ATP8A2: variants seen among roughly 807,000 people sequenced by gnomAD.
ATP8A2 encodes phospholipid-transporting ATPase IB.
Under a neutral mutation model 165.6 loss-of-function variants are expected in ATP8A2, and 100 were observed. That is an observed-to-expected ratio of 0.60 (90% confidence interval 0.51 to 0.71). The LOEUF is 0.71. Among genes scored for constraint, ATP8A2 ranks in the 30% least tolerant of loss-of-function variants. The pLI is 0.00. For missense variants in ATP8A2, 1,227 were observed against 1,479.5 expected, an observed-to-expected ratio of 0.83 and a Z score of 2.80; for synonymous variants, 543 against 548.8, an observed-to-expected ratio of 0.99 and a Z score of 0.15.
chr13:25,990,350 C>A (rs1391523797), intron 35 of ATP8A2, among the ~76,000 whole-genome samples: 1 of 150,520 alleles, frequency 6.6e-6, no homozygotes. Context: ...CAAACTATGT[C>A]GTGAAAAGTG....
chr13:25,792,552 A>G (rs1396932203), intron 27 of ATP8A2, among the ~76,000 whole-genome samples: 1 of 152,188 alleles, frequency 6.6e-6, no homozygotes, highest in African/African-American at 2.4e-5. Context: ...TTTGAAACTA[A>G]TGAAATGAAC....
At chr13:25,866,977 A>G (rs765906807) in intron 33 of ATP8A2, among the ~76,000 whole-genome samples, 7 of 152,284 alleles carry the variant, frequency 4.6e-5, no homozygotes, top group Middle Eastern at 6.8e-3. Flanking sequence ...ATCGTTAACC[A>G]TGGAAAAATT....
chr13:25,403,691 G>A (rs1303516995), intron 1 of ATP8A2, among the ~76,000 whole-genome samples: 9 of 152,106 alleles, frequency 5.9e-5, no homozygotes, highest in Admixed American at 5.9e-4. Context: ...GGAACATATG[G>A]TCTTGAAATA....
At position 25,445,970 on chromosome 13, in the gene ATP8A2, T is replaced by A. The variant is rs564590271; in HGVS notation, c.77-23007T>A. The stretch of plus-strand genomic sequence containing the variant: ...GGTCAACTAATCAGATTCCTATCTA[T>A]GAAATGAAGTTTATGTGTACACCAT... On this transcript the variant is annotated intron_variant, in intron 1 of 36. Coordinates refer to ENST00000381655, the MANE Select transcript of ATP8A2 (RefSeq NM_016529.6). Among the ~76,000 whole-genome samples, 3 of 152,286 alleles carry A rather than the reference T, an allele frequency of 2.0e-5. No individual in the cohort carries two copies. The East Asian group carries it at 5.8e-4, about 29-fold the overall frequency.
chr13:26,005,065 C>A (rs531871589), intron 35 of ATP8A2, among the ~76,000 whole-genome samples: 369 of 151,964 alleles, frequency 2.4e-3, no homozygotes, highest in Non-Finnish European at 3.8e-3. Context: ...GGTATTAGTT[C>A]TTTAAGTGTT....
At position 25,968,692 on chromosome 13, in the gene ATP8A2, G is replaced by A. The variant is rs199717243; in HGVS notation, c.3377+13G>A. On this transcript the variant is annotated intron_variant, in intron 35 of 36. Transcript: ENST00000381655. ...GCAATGGAAAGAGGTGGGGAACTCC[G>A]TCCCAGTCCGCACAGAACACAGGTG... 1.5e-4 allele frequency: 238 copies of A among 1,599,710 alleles called. No homozygotes were observed. Among genetic ancestry groups the A allele is most frequent in the Middle Eastern group, 5.0e-4 (3 of 6,038 alleles).
At chr13:25,827,169 G>T (rs184936320) in intron 27 of ATP8A2, among the ~76,000 whole-genome samples, 2 of 152,044 alleles carry the variant, frequency 1.3e-5, no homozygotes, top group African/African-American at 4.8e-5. Context: ...GAGTGCAGTG[G>T]CACTATCTTG....
At chr13:25,806,861 A>G (rs1205006514) in intron 27 of ATP8A2, among the ~76,000 whole-genome samples, 3 of 152,120 alleles carry the variant, frequency 2.0e-5, no homozygotes, top group Non-Finnish European at 2.9e-5. Context: ...TTTTTTTACT[A>G]TAACCATTCT....
chr13:25,742,128 C>T (rs2138150778), intron 25 of ATP8A2, among the ~76,000 whole-genome samples: 1 of 152,238 alleles, frequency 6.6e-6, no homozygotes, highest in Non-Finnish European at 1.5e-5. Flanking sequence ...TACGGAATAG[C>T]CTGTTGCTCC....
chr13:26,000,349 T>C (rs1171478925), intron 35 of ATP8A2, among the ~76,000 whole-genome samples: 1 of 152,206 alleles, frequency 6.6e-6, no homozygotes, highest in Non-Finnish European at 1.5e-5. Context: ...TTTGGAGTTA[T>C]TTGCTGTGTA....
At chr13:25,706,524 G>T (rs1351887799) in intron 25 of ATP8A2, among the ~76,000 whole-genome samples, 1 of 152,160 alleles carries the variant, frequency 6.6e-6, no homozygotes, top group Admixed American at 6.5e-5. Context: ...TTTGTGTGTG[G>T]TATCCTTCAG....
At chr13:25,908,639 G>T (rs1954017325) in intron 33 of ATP8A2, among the ~76,000 whole-genome samples, 1 of 152,242 alleles carries the variant, frequency 6.6e-6, no homozygotes, top group Non-Finnish European at 1.5e-5. Flanking sequence ...GCTTCACTTG[G>T]TTCAAGCCTC....
intron 2 of ATP8A2, among the ~76,000 whole-genome samples, chr13:25,480,275 G>C (rs2036133840): frequency 6.6e-6 from 1 of 150,554 alleles, no homozygotes; most frequent in African/African-American, 2.4e-5. Flanking sequence ...TCCCGGACGG[G>C]GCGGCTGGCC....
chr13:25,499,668 ACT>A (rs758508180), intron 2 of ATP8A2, among the ~76,000 whole-genome samples: 1 of 152,072 alleles, frequency 6.6e-6, no homozygotes, highest in Non-Finnish European at 1.5e-5. Flanking sequence ...ATTATCTCAA[ACT>A]CTGCCAAACA....
chr13:25,490,656 C>T (rs1039375852), intron 2 of ATP8A2, among the ~76,000 whole-genome samples: 1 of 152,176 alleles, frequency 6.6e-6, no homozygotes, highest in African/African-American at 2.4e-5. Context: ...CAGTAACATT[C>T]TCCTCCCTGC....
At chr13:25,801,815 G>A (rs1566152561) in intron 27 of ATP8A2, among the ~76,000 whole-genome samples, 2 of 152,066 alleles carry the variant, frequency 1.3e-5, no homozygotes, top group Non-Finnish European at 2.9e-5. Flanking sequence ...TGCATGGCTG[G>A]GGAGGCCTCA....
chr13:25,842,291 GA>G (rs1951761360), intron 30 of ATP8A2, among the ~76,000 whole-genome samples: 1 of 152,174 alleles, frequency 6.6e-6, no homozygotes, highest in Non-Finnish European at 1.5e-5. Context: ...GACAGGTGTG[GA>G]AAACTGAGCA....
chr13:25,646,600 A>AGC (rs1328683381), intron 24 of ATP8A2, among the ~76,000 whole-genome samples: 1 of 148,176 alleles, frequency 6.7e-6, no homozygotes, highest in African/African-American at 2.5e-5. Context: ...GGTTGCAGTG[A>AGC]GCCAAGATCG....
chr13:25,967,748 T>G (rs571428810), intron 34 of ATP8A2, among the ~76,000 whole-genome samples: 1 of 152,192 alleles, frequency 6.6e-6, no homozygotes, highest in Admixed American at 6.5e-5. Flanking sequence ...GTAGCTAGAT[T>G]GTTTCCAACT....
Sources: allele counts gnomAD v4.1 joint callset (sites outside exome capture counted in the v4.1 genomes callset), GRCh38; gene constraint gnomAD v4.1.1; transcripts MANE v1.5; gene names NCBI Gene and HGNC (gene_info 2026-07-23, HGNC 2026-07-21).